TENM3: variants seen among roughly 807,000 people sequenced by gnomAD.
TENM3 encodes the protein teneurin transmembrane protein 3, also known as teneurin-3.
Under a neutral mutation model 255.1 loss-of-function variants are expected in TENM3, and 63 were observed. That is an observed-to-expected ratio of 0.25 (90% CI 0.20 to 0.30). The LOEUF (loss-of-function observed/expected upper bound fraction) is 0.30. Ranked by LOEUF, TENM3 falls within the 10% of genes least tolerant of loss-of-function variation. TENM3 has a pLI of 1.00. For missense variants in TENM3, 2,929 were observed against 3,461.1 expected (o/e 0.85, Z 3.86); for synonymous variants, 1,306 against 1,322.3 (o/e 0.99, Z 0.27).
chr4:181,837,043 C>G, the TENM3 span, among the ~76,000 whole-genome samples: 2 of 152,008 alleles, frequency 1.3e-5, no homozygotes, highest in East Asian at 1.9e-4. Context: ...ATCTTCTGTT[C>G]AGAAGAACAG....
At chr4:182,680,773 T>A (rs370463733) in intron 10 of TENM3, 36 bp downstream of exon 10, 121 of 1,437,744 alleles carry the variant, frequency 8.4e-5, no homozygotes, top group Non-Finnish European at 1.1e-4. Context: ...TCTGTTGTTA[T>A]CTTCATAAAG....
intron 3 of TENM3, among the ~76,000 whole-genome samples, chr4:182,448,440 G>T (rs1773120210): frequency 6.6e-6 from 1 of 152,204 alleles, no homozygotes; most frequent in African/African-American, 2.4e-5. Context: ...GAGCTGGAGG[G>T]CCGAGTTTCG....
chr4:182,668,498 G>T (rs935384500), intron 6 of TENM3, among the ~76,000 whole-genome samples: 2 of 151,984 alleles, frequency 1.3e-5, no homozygotes, highest in African/African-American at 2.4e-5. Context: ...GATTAATTAG[G>T]TATTTTTTCG....
chr4:181,553,320 G>GTGTA, the TENM3 span, among the ~76,000 whole-genome samples: 1 of 115,700 alleles, frequency 8.6e-6, no homozygotes, highest in Non-Finnish European at 1.8e-5. Flanking sequence ...ATGTGTATGC[G>GTGTA]TATATATATA....
At chr4:182,198,003 G>GC (rs1753937325) in intron 1 of TENM3, among the ~76,000 whole-genome samples, 2 of 152,188 alleles carry the variant, frequency 1.3e-5, no homozygotes, top group South Asian at 4.1e-4. Flanking sequence ...TACTCAGGAG[G>GC]CTGACACAGG....
intron 1 of TENM3, among the ~76,000 whole-genome samples, chr4:182,146,126 T>C (rs1198666620): frequency 2.0e-5 from 3 of 152,240 alleles, no homozygotes; most frequent in African/African-American, 2.4e-5. Context: ...GAGAACAGAC[T>C]GACTTTAGAA....
chr4:182,137,505 G>C, the TENM3 span, among the ~76,000 whole-genome samples: 1 of 152,280 alleles, frequency 6.6e-6, no homozygotes, highest in East Asian at 1.9e-4. Context: ...TGGATTCATT[G>C]GTGAGAGTAA....
chr4:182,026,187 T>C, the TENM3 span, among the ~76,000 whole-genome samples: 1 of 152,208 alleles, frequency 6.6e-6, no homozygotes, highest in East Asian at 1.9e-4. Context: ...TGCTCCATGG[T>C]GTATATGTGC....
At chr4:181,553,599 G>T in the TENM3 span, among the ~76,000 whole-genome samples, 3 of 151,764 alleles carry the variant, frequency 2.0e-5, no homozygotes, top group African/African-American at 4.8e-5. Context: ...CTGCCACCAC[G>T]CCCGGCTAAT....
intron 2 of TENM3, among the ~76,000 whole-genome samples, chr4:182,333,322 A>G (rs905589795): frequency 1.3e-5 from 2 of 152,222 alleles, no homozygotes; most frequent in Admixed American, 1.3e-4. Context: ...AAAATTCAAA[A>G]CAAGTATTTG....
chr4:181,752,751 T>C, the TENM3 span, among the ~76,000 whole-genome samples: 1 of 151,970 alleles, frequency 6.6e-6, no homozygotes, highest in South Asian at 2.1e-4. Flanking sequence ...AAGTCAGCAG[T>C]TGGTAGGAAT....
intron 3 of TENM3, among the ~76,000 whole-genome samples, chr4:182,512,277 T>G (rs1007756876): frequency 2.6e-5 from 4 of 152,194 alleles, no homozygotes; most frequent in Admixed American, 6.5e-5. Context: ...CTCCATGGTC[T>G]CTTTTTATTT....
intron 13 of TENM3, among the ~76,000 whole-genome samples, chr4:182,726,435 G>T (rs923316482): frequency 2.0e-5 from 3 of 151,992 alleles, no homozygotes; most frequent in Admixed American, 6.6e-5. Flanking sequence ...CCTGGGGATG[G>T]CTCCATTCCC....
At chr4:182,776,100 A>G (rs1337606060) in intron 24 of TENM3, among the ~76,000 whole-genome samples, 4 of 152,168 alleles carry the variant, frequency 2.6e-5, no homozygotes, top group African/African-American at 9.7e-5. Context: ...CAAGAATCAA[A>G]TGAGATAATG....
intron 3 of TENM3, among the ~76,000 whole-genome samples, chr4:182,501,862 A>G (rs755224590): frequency 1.2e-4 from 18 of 152,028 alleles, no homozygotes; most frequent in Admixed American, 2.6e-4. Flanking sequence ...CTTTTCATTC[A>G]GCTCTTTGAT....
intron 3 of TENM3, among the ~76,000 whole-genome samples, chr4:182,451,172 AT>A (rs1239051844): frequency 2.0e-5 from 3 of 152,244 alleles, no homozygotes; most frequent in East Asian, 1.9e-4. Flanking sequence ...TTATAAAAAA[AT>A]ATTTAAAGTA....
chr4:182,563,291 A>T (rs1160826622), intron 3 of TENM3, among the ~76,000 whole-genome samples: 1 of 152,252 alleles, frequency 6.6e-6, no homozygotes, highest in East Asian at 1.9e-4. Flanking sequence ...TTAGCCAGGT[A>T]TGATGGTGTA....
In TENM3 at chr4:182,576,422, C is replaced by T. The variant is rs890905360; in HGVS notation, c.512-24502C>T. ...ACTCATAAGAAAAAAATAAATTTTC[C>T]AGTAACTATAATTTAACAGCAATAT... On this transcript the variant is annotated intron_variant, in intron 3 of 27. Coordinates refer to ENST00000511685, the MANE Select transcript of TENM3 (RefSeq NM_001080477.4). 2.0e-5 allele frequency among the ~76,000 whole-genome samples: 3 copies of T among 152,216 alleles called. No individual in the cohort carries two copies. The East Asian group carries it at 5.8e-4, about 29-fold the overall frequency.
At chr4:181,808,856 C>G in the TENM3 span, among the ~76,000 whole-genome samples, 8 of 152,184 alleles carry the variant, frequency 5.3e-5, no homozygotes, top group Non-Finnish European at 1.0e-4. Flanking sequence ...GGGCATTCAA[C>G]AGCTACAGGA....
Sources: allele counts gnomAD v4.1 joint callset (sites outside exome capture counted in the v4.1 genomes callset), GRCh38; gene constraint gnomAD v4.1.1; transcripts MANE v1.5; gene names NCBI Gene and HGNC (gene_info 2026-07-23, HGNC 2026-07-21).